The following LGALS12 variants were observed in gnomAD, a reference collection of about 807,000 sequenced individuals.
The protein encoded by LGALS12 is galectin-12.
In LGALS12, 36 loss-of-function variants were observed where a neutral mutation model predicts 36.8. The observed-to-expected ratio is 0.98, with a 90% confidence interval of 0.75 to 1.29. The LOEUF (loss-of-function observed/expected upper bound fraction) is 1.29. Among genes scored for constraint, LGALS12 ranks in the 50% most tolerant of loss-of-function variants. The pLI is 0.00. For synonymous variants in LGALS12, 145 were observed against 155.9 expected (o/e 0.93, Z 0.52); for missense variants, 366 against 394.3 (o/e 0.93, Z 0.61).
intron 1 of LGALS12, 76 bp downstream of exon 1, chr11:63,506,603 G>T: frequency 6.3e-7 from 1 of 1,586,510 alleles, no homozygotes; most frequent in Non-Finnish European, 8.6e-7. Context: ...ACTCCTGGGT[G>T]GTGGGGTGGA....
Position 63,511,097 on chromosome 11 carries a change from C to T in LGALS12, c.550C>T (p.Pro184Ser). The stretch of plus-strand genomic sequence containing the variant: ...CTGACAGCCTTTCCTGCTGATGAGC[C>T]CCAGGCTGGTGAGTGAACCTCCCTC... ...PAGHPFLLMSPRLEVPCSHAL... is the reference protein window; with the variant it reads ...PAGHPFLLMSSRLEVPCSHAL... The change falls in exon 6 of 9, where the codon CCC (proline) becomes TCC (serine). Residue 184 changes from proline (P) to serine (S), a missense_variant. By Grantham distance (74) the Pro-to-Ser change is moderately conservative (BLOSUM62 -1). Transcript: ENST00000394618. 6.2e-7 allele frequency: 1 copy of T among 1,613,658 alleles called. No individual in the cohort carries two copies. Among genetic ancestry groups the T allele is most frequent in the East Asian group, 2.2e-5 (1 of 44,892 alleles).
At position 63,516,319 on chromosome 11, in the gene LGALS12, A is replaced by G; in HGVS notation, c.871A>G (p.Asn291Asp). The G allele has an allele frequency of 6.2e-7, 1 of 1,613,244 alleles. No individual in the cohort carries two copies. The highest frequency in any genetic ancestry group is 8.5e-7 in the Non-Finnish European group (1 of 1,179,634). ...NGQGLGATSM[N>D]QQALEQLREL... The stretch of plus-strand genomic sequence containing the variant: ...GCAGGGGCTGGGGGCCACCAGCATG[A>G]ACCAGCAGGCCCTGGAGCAGCTGCG... Residue 291 changes from asparagine to aspartate, a missense_variant, in exon 9 of 9, where the codon AAC becomes GAC. Coordinates refer to ENST00000394618, the MANE Select transcript of LGALS12 (RefSeq NM_033101.4).
At chr11:63,511,469 G>A (rs1458220401) in intron 6 of LGALS12, among the ~76,000 whole-genome samples, 1 of 152,180 alleles carries the variant, frequency 6.6e-6, no homozygotes, top group East Asian at 1.9e-4. Flanking sequence ...CAGGCTGGTG[G>A]GGGACAGACC....
chr11:63,513,891 T>A (rs2134332380), intron 7 of LGALS12, among the ~76,000 whole-genome samples: 2 of 152,170 alleles, frequency 1.3e-5, no homozygotes, highest in East Asian at 3.9e-4. Flanking sequence ...TTCATGATTA[T>A]CCAGTGATCT....
At chr11:63,510,962 C>A in intron 5 of LGALS12, 117 bp from the exon 6 acceptor site, 1 of 993,400 alleles carries the variant, frequency 1.0e-6, no homozygotes, top group African/African-American at 1.6e-5. Context: ...AATGACTCAC[C>A]TACTGCTGTG....
intron 1 of LGALS12, among the ~76,000 whole-genome samples, chr11:63,507,379 C>T (rs1264928989): frequency 6.6e-6 from 1 of 152,152 alleles, no homozygotes; most frequent in Non-Finnish European, 1.5e-5. Flanking sequence ...CCTGTGATAC[C>T]ACTGGTATGT....
At chr11:63,508,269 T>C (rs2016801592) in intron 1 of LGALS12, 1 of 1,283,730 alleles carries the variant, frequency 7.8e-7, no homozygotes, top group African/African-American at 1.5e-5. Flanking sequence ...TGCAGCCTGT[T>C]GTGTCCTAGG....
chr11:63,508,273 T>C (rs2016801932), intron 1 of LGALS12: 4 of 1,300,298 alleles, frequency 3.1e-6, no homozygotes, highest in Non-Finnish European at 3.9e-6. Flanking sequence ...GCCTGTTGTG[T>C]CCTAGGAGCT....
Position 63,516,566 on chromosome 11 carries a change from A to T in LGALS12, c.*173A>T. ...CTTTGGGCCTGAGGGAAGGCACAAG[A>T]GTGCAAAGGTTCCTCGAACTCTGCA... On this transcript the variant is annotated 3_prime_UTR_variant, in exon 9 of 9. Coordinates refer to ENST00000394618, the MANE Select transcript of LGALS12 (RefSeq NM_033101.4). The T allele has an allele frequency of 1.4e-6, 1 of 715,648 alleles. No individual in the cohort carries two copies. Among genetic ancestry groups the T allele is most frequent in the Non-Finnish European group, 2.3e-6 (1 of 432,576 alleles). The allele number at this position is 715,648 out of a possible 1,614,324, so 44.3% of individuals were successfully genotyped here.
intron 7 of LGALS12, among the ~76,000 whole-genome samples, chr11:63,514,501 G>A (rs182781801): frequency 0.018 from 2,793 of 152,286 alleles, 38 homozygotes; most frequent in Non-Finnish European, 0.027. Flanking sequence ...AACCTGGGAG[G>A]AAGAGGTTGC....
At chr11:63,508,474 T>C in intron 1 of LGALS12, 79 bp from the exon 2 acceptor site, 1 of 1,580,326 alleles carries the variant, frequency 6.3e-7, no homozygotes, top group South Asian at 1.2e-5. Context: ...ATTCTGCTCC[T>C]TTCCTCCCAC....
intron 7 of LGALS12, among the ~76,000 whole-genome samples, chr11:63,514,998 A>G (rs1196595049): frequency 6.6e-6 from 1 of 152,016 alleles, no homozygotes; most frequent in Non-Finnish European, 1.5e-5. Flanking sequence ...TTATGTATTC[A>G]TTTAATTCTT....
chr11:63,514,047 C>T (rs889343615), intron 7 of LGALS12, among the ~76,000 whole-genome samples: 1 of 152,224 alleles, frequency 6.6e-6, no homozygotes, highest in Admixed American at 6.5e-5. Context: ...GCAGTCCACT[C>T]TCCAGGGTTC....
intron 7 of LGALS12, among the ~76,000 whole-genome samples, chr11:63,514,203 C>T (rs954665801): frequency 3.3e-5 from 5 of 152,230 alleles, no homozygotes; most frequent in Non-Finnish European, 7.3e-5. Flanking sequence ...TTACCTGCCT[C>T]TGCATCCCAT....
intron 3 of LGALS12, 113 bp from the exon 4 acceptor site, chr11:63,509,665 G>A (rs965179641): frequency 1.1e-5 from 12 of 1,085,082 alleles, no homozygotes; most frequent in South Asian, 1.5e-5. Flanking sequence ...TAGAGATGAC[G>A]TGAAGTTAAG....
chr11:63,508,587 T>G lies in LGALS12; in HGVS notation c.104T>G (p.Leu35Arg), dbSNP rs746816515. The change falls in exon 2 of 9, where the codon CTG (leucine) becomes CGG (arginine). Residue 35 changes from leucine to arginine, a missense_variant. Transcript: ENST00000394618. ...TATGTCACGACGATTTTTGGAGGCC[T>G]GCATGCAGGCAAGATGGTCATGCTG... is the stretch of plus-strand genomic sequence containing the variant. ...VPYVTTIFGG[L>R]HAGKMVMLQG... 1 of 1,614,162 alleles carries G rather than the reference T, an allele frequency of 6.2e-7. No individual in the cohort carries two copies. Among genetic ancestry groups the G allele is most frequent in the South Asian group, 1.1e-5 (1 of 91,086 alleles).
chr11:63,508,455 T>C lies in LGALS12; in HGVS notation c.70-98T>C, dbSNP rs1400222953. On this transcript the variant is annotated intron_variant, in intron 1 of 8. Transcript: ENST00000394618. Reference sequence around the variant, plus strand: ...GAATTTTCTGTTTGGAGAGGAAAAGTTGAGTTTTATTCTGCTCCTTTCCTC... The same window carrying C: ...GAATTTTCTGTTTGGAGAGGAAAAGCTGAGTTTTATTCTGCTCCTTTCCTC... The C allele has an allele frequency of 5.9e-6, 9 of 1,519,610 alleles. No individual in the cohort carries two copies. The African/African-American group carries it at 8.4e-5, about 14-fold the overall frequency. The allele number at this position is 1,519,610 out of a possible 1,614,324, so 94.1% of individuals were successfully genotyped here.
At position 63,516,563 on chromosome 11, in the gene LGALS12, A is replaced by G. The variant is rs3781604; in HGVS notation, c.*170A>G. On this transcript the variant is annotated 3_prime_UTR_variant, in exon 9 of 9. Transcript: ENST00000394618. ...GAGCTTTGGGCCTGAGGGAAGGCAC[A>G]AGAGTGCAAAGGTTCCTCGAACTCT... is the stretch of plus-strand genomic sequence containing the variant. 146,890 of 736,038 alleles carry G rather than the reference A, an allele frequency of 0.2. 15,523 individuals carry two copies. Among genetic ancestry groups the G allele is most frequent in the South Asian group, 0.3 (16,993 of 56,654 alleles). 45.6% of individuals were successfully genotyped at this position (736,038 alleles called of 1,614,324 possible).
At position 63,516,302 on chromosome 11, in the gene LGALS12, T is replaced by C; in HGVS notation, c.854T>C (p.Leu285Pro). 6.2e-7 allele frequency: 1 copy of C among 1,611,766 alleles called. No homozygotes were observed. The highest frequency in any genetic ancestry group is 2.2e-5 in the East Asian group (1 of 44,764). ...AAGCTGGCGCTCAATGGGCAGGGGCTGGGGGCCACCAGCATGAACCAGCAG... is the reference window on the plus strand; with the variant it reads ...AAGCTGGCGCTCAATGGGCAGGGGCCGGGGGCCACCAGCATGAACCAGCAG... ...GLKLALNGQG[L>P]GATSMNQQAL... Residue 285 changes from leucine (L) to proline (P), a missense_variant, in exon 9 of 9, where the codon CTG (leucine) becomes CCG (proline). Leu to Pro is a moderately conservative substitution (Grantham distance 98). Transcript: ENST00000394618.
Sources: gnomAD v4.1 joint callset for allele counts (sites outside exome capture counted in the v4.1 genomes callset) on GRCh38, gnomAD v4.1.1 for gene constraint, MANE v1.5 for transcripts, NCBI Gene and HGNC (gene_info 2026-07-23, HGNC 2026-07-21) for gene names.